Variants in NAALADL2 observed in about 807,000 individuals in gnomAD.
NAALADL2 encodes the protein N-acetylated alpha-linked acidic dipeptidase like 2.
A neutral mutation model predicts 87.2 loss-of-function variants in NAALADL2; 76 were observed. The ratio of observed to expected loss-of-function variants is 0.87; its 90% CI spans 0.72 to 1.05. The LOEUF (loss-of-function observed/expected upper bound fraction) is 1.05. NAALADL2 is among the 50% of genes least tolerant of loss of function. The probability of loss-of-function intolerance (pLI) is 0.00; values close to 1 mark genes in which losing one functional copy is unlikely to be tolerated. For missense variants in NAALADL2, 1,089 were observed against 945.8 expected, an observed-to-expected ratio of 1.15 and a Z score of -1.99; for synonymous variants, 354 against 331.0, an observed-to-expected ratio of 1.07 and a Z score of -0.75.
At chr3:175,655,395 TA>T in intron 11 of NAALADL2, 1 of 286,516 alleles carries the variant, frequency 3.5e-6, no homozygotes, top group Non-Finnish European at 7.1e-6. Flanking sequence ...TGGAAATCTC[TA>T]AGAAAGTTTT....
chr3:175,121,274 T>C (rs1726119027), intron 2 of NAALADL2, among the ~76,000 whole-genome samples: 1 of 151,838 alleles, frequency 6.6e-6, no homozygotes, highest in Non-Finnish European at 1.5e-5. Flanking sequence ...ACCTGACTTG[T>C]CTTAGGTTCT....
chr3:175,676,784 C>G (rs1248591549), intron 11 of NAALADL2: 3 of 152,040 alleles, frequency 2.0e-5, no homozygotes, highest in Admixed American at 2.0e-4. Context: ...AACCTATATC[C>G]TGGCCAAAAT....
intron 5 of NAALADL2, among the ~76,000 whole-genome samples, chr3:175,328,463 G>A (rs144128887): frequency 3.1e-4 from 47 of 151,944 alleles, no homozygotes; most frequent in African/African-American, 8.7e-4. Context: ...AATTGCGGGG[G>A]AGGCAGAGAG....
At chr3:175,690,831 A>C (rs1736945282) in intron 11 of NAALADL2, among the ~76,000 whole-genome samples, 1 of 152,016 alleles carries the variant, frequency 6.6e-6, no homozygotes. Context: ...TTATTGTTTT[A>C]GTGTAAAAAT....
chr3:175,416,084 T>G (rs1042364974), intron 5 of NAALADL2, among the ~76,000 whole-genome samples: 1 of 151,886 alleles, frequency 6.6e-6, no homozygotes, highest in African/African-American at 2.4e-5. Context: ...ATCATGCTGC[T>G]GCACTCCAGT....
intron 9 of NAALADL2, among the ~76,000 whole-genome samples, chr3:175,544,544 A>G (rs1712956931): frequency 6.6e-6 from 1 of 152,176 alleles, no homozygotes; most frequent in Non-Finnish European, 1.5e-5. Context: ...AAGCTGTTGA[A>G]TCTTTATAAT....
chr3:174,959,743 A>AGT (rs1275389317), intron 1 of NAALADL2, among the ~76,000 whole-genome samples: 1 of 152,116 alleles, frequency 6.6e-6, no homozygotes, highest in Non-Finnish European at 1.5e-5. Context: ...ACATGCCCAA[A>AGT]GTAATGCCTT....
At chr3:175,452,514 A>G (rs1035838240) in intron 6 of NAALADL2, among the ~76,000 whole-genome samples, 1 of 152,216 alleles carries the variant, frequency 6.6e-6, no homozygotes, top group Non-Finnish European at 1.5e-5. Flanking sequence ...AATATTCAAA[A>G]GAAATGGGGA....
At position 175,135,327 on chromosome 3, in the gene NAALADL2, A is replaced by T. The variant is rs373519523; in HGVS notation, c.545+38036A>T. 3.6e-4 allele frequency among the ~76,000 whole-genome samples: 55 copies of T among 152,316 alleles called. 1 individual carries two copies. The South Asian group carries it at 0.011, about 31-fold the overall frequency. Reference sequence around the variant, plus strand: ...AAAGTGATAATTCATTGTGTTGGGAAGATGAATGAGGGCATATATTTCTTC... The same window carrying T: ...AAAGTGATAATTCATTGTGTTGGGATGATGAATGAGGGCATATATTTCTTC... On this transcript the variant is annotated intron_variant, in intron 2 of 13. Transcript: ENST00000454872.
At chr3:175,080,073 C>G (rs1436205194) in intron 1 of NAALADL2, among the ~76,000 whole-genome samples, 1 of 151,938 alleles carries the variant, frequency 6.6e-6, no homozygotes, top group Non-Finnish European at 1.5e-5. Flanking sequence ...TCACGCCATT[C>G]TCCTGCCTCA....
intron 2 of NAALADL2, among the ~76,000 whole-genome samples, chr3:175,166,043 T>A (rs1309184409): frequency 2.0e-5 from 3 of 147,722 alleles, no homozygotes; most frequent in Admixed American, 6.7e-5. Flanking sequence ...CTCCATATTT[T>A]TTTTTTTTTT....
intron 3 of NAALADL2, among the ~76,000 whole-genome samples, chr3:174,834,968 A>G: frequency 6.6e-6 from 1 of 151,896 alleles, no homozygotes; most frequent in Non-Finnish European, 1.5e-5. Flanking sequence ...TGAAATTTCT[A>G]GGATAGTCCA....
intron 1 of NAALADL2, among the ~76,000 whole-genome samples, chr3:175,085,197 C>T (rs1718645101): frequency 6.6e-6 from 1 of 152,132 alleles, no homozygotes; most frequent in South Asian, 2.1e-4. Flanking sequence ...TCGAAACTTG[C>T]ATGATTGAGG....
intron 1 of NAALADL2, among the ~76,000 whole-genome samples, chr3:174,452,612 G>A (rs1715562187): frequency 6.6e-6 from 1 of 152,052 alleles, no homozygotes. Flanking sequence ...ACAAAATTGA[G>A]GCCCGATACA....
At chr3:175,189,564 A>C (rs941570503) in intron 2 of NAALADL2, among the ~76,000 whole-genome samples, 1 of 152,242 alleles carries the variant, frequency 6.6e-6, no homozygotes, top group African/African-American at 2.4e-5. Flanking sequence ...TAATGAAATA[A>C]ATTTAAGACA....
In NAALADL2 at chr3:175,234,091, A is replaced by T. The variant is rs753974128; in HGVS notation, c.706A>T (p.Ser236Cys). 3.1e-6 allele frequency: 5 copies of T among 1,613,814 alleles called. No individual in the cohort carries two copies. The African/African-American group carries it at 5.3e-5, about 17-fold the overall frequency. The change falls in exon 3 of 14, where the codon AGT (serine) becomes TGT (cysteine). Residue 236 changes from serine (S) to cysteine (C), a missense_variant. Coordinates refer to ENST00000454872, the MANE Select transcript of NAALADL2 (RefSeq NM_207015.3). ...TCCCAGCACTGTGACTCTGAGCAGC[A>T]GTGGTCAATGCTTTCATCCTAATGG... ...PSPSTVTLSS[S>C]GQCFHPNGQP...
At chr3:174,569,406 C>G (rs755581530) in intron 2 of NAALADL2, among the ~76,000 whole-genome samples, 2 of 152,040 alleles carry the variant, frequency 1.3e-5, no homozygotes, top group Non-Finnish European at 2.9e-5. Context: ...CCTATGTGTA[C>G]AGTTCAATGA....
intron 2 of NAALADL2, among the ~76,000 whole-genome samples, chr3:175,135,635 C>A: frequency 6.6e-6 from 1 of 151,028 alleles, no homozygotes; most frequent in African/African-American, 2.5e-5. Flanking sequence ...AACAAGAGGC[C>A]CATAGAAATA....
intron 5 of NAALADL2, among the ~76,000 whole-genome samples, chr3:175,384,743 A>G (rs185658848): frequency 8.9e-4 from 135 of 151,118 alleles, no homozygotes; most frequent in African/African-American, 3.1e-3. Flanking sequence ...TTTATTACCA[A>G]TTTTTGTTTT....
Sources: allele counts gnomAD v4.1 joint callset (sites outside exome capture counted in the v4.1 genomes callset), GRCh38; gene constraint gnomAD v4.1.1; transcripts MANE v1.5; gene names NCBI Gene and HGNC (gene_info 2026-07-23, HGNC 2026-07-21).